IL2RA: variants seen among roughly 807,000 people sequenced by gnomAD.
The protein encoded by IL2RA is interleukin 2 receptor subunit alpha, also known as interleukin-2 receptor subunit alpha.
A neutral mutation model predicts 37.8 loss-of-function variants in IL2RA; 24 were observed. The observed-to-expected ratio is 0.63, with a 90% CI of 0.46 to 0.89. The LOEUF (loss-of-function observed/expected upper bound fraction) is 0.89, where lower values mean the gene tolerates loss of function less well. Ranked by LOEUF, IL2RA falls within the 40% of genes least tolerant of loss-of-function variation. IL2RA has a pLI of 0.00. For missense variants in IL2RA, 319 were observed against 348.6 expected, an observed-to-expected ratio of 0.92 and a Z score of 0.68; for synonymous variants, 125 against 114.6, an observed-to-expected ratio of 1.09 and a Z score of -0.58.
At chr10:6,059,450 G>C (rs1386355051) in intron 1 of IL2RA, among the ~76,000 whole-genome samples, 1 of 152,204 alleles carries the variant, frequency 6.6e-6, no homozygotes, top group Admixed American at 6.5e-5. Context: ...CTGGCACATA[G>C]AAGTTACTTT....
At chr10:6,039,914 T>A (rs1839745454) in intron 1 of IL2RA, among the ~76,000 whole-genome samples, 1 of 152,210 alleles carries the variant, frequency 6.6e-6, no homozygotes, top group Non-Finnish European at 1.5e-5. Context: ...GAATGAAGGC[T>A]GCTCTTAACT....
chr10:6,049,640 A>G (rs996933488), intron 1 of IL2RA, among the ~76,000 whole-genome samples: 1 of 152,098 alleles, frequency 6.6e-6, no homozygotes, highest in Non-Finnish European at 1.5e-5. Context: ...GCTTTGTGGC[A>G]TTTCTCTGCA....
In IL2RA at chr10:6,044,719, C is replaced by T. The variant is rs1839824240; in HGVS notation, c.64+17369G>A. On this transcript the variant is annotated intron_variant, in intron 1 of 7. Coordinates refer to ENST00000379959, the MANE Select transcript of IL2RA (RefSeq NM_000417.3). The surrounding 1 kb of genome is among the most constrained non-coding windows in gnomAD (Gnocchi z 4.5). ...TACAGAGATATAAAATTTATGTATG[C>T]ATGTGACCAGAGGAAAAAATAAGAC... Among the ~76,000 whole-genome samples, 1 of 152,122 alleles carries T rather than the reference C, an allele frequency of 6.6e-6. No homozygotes were observed. Among genetic ancestry groups the T allele is most frequent in the Non-Finnish European group, 1.5e-5 (1 of 68,024 alleles).
intron 3 of IL2RA, among the ~76,000 whole-genome samples, chr10:6,023,423 C>A (rs1839421420): frequency 6.6e-6 from 1 of 152,156 alleles, no homozygotes; most frequent in South Asian, 2.1e-4. Context: ...GCAACCTCCA[C>A]CTCCTGATTT....
chr10:6,019,813 T>C (rs1839351936), intron 5 of IL2RA, 57 bp downstream of exon 5: 6 of 1,507,852 alleles, frequency 4.0e-6, no homozygotes, highest in Non-Finnish European at 4.6e-6. Flanking sequence ...TGGCTCCTGG[T>C]CACCTCTGCC....
rs1207677765 is a variant in IL2RA, at chr10:6,057,352, G to A, written c.64+4736C>T. On this transcript the variant is annotated intron_variant, in intron 1 of 7. Transcript: ENST00000379959. The surrounding 1 kb of genome is among the most constrained non-coding windows in gnomAD (Gnocchi z 4.8). ...TAACCCACAATGAGACATCAGGCTT[G>A]GGTGCATTGATACACAAAAGTCGCT... Among the ~76,000 whole-genome samples the A allele has an allele frequency of 6.6e-6, 1 of 152,130 alleles. No individual in the cohort carries two copies.
Position 6,020,254 on chromosome 10 carries a change from A to G in IL2RA, c.584-313T>C, listed in dbSNP as rs1299790448. ...TCCATCTGTGACTTGGAAACAGGTC[A>G]TAATAATACGAATGCCATTGAACCA... On this transcript the variant is annotated intron_variant, in intron 4 of 7. Transcript: ENST00000379959. The surrounding 1 kb of genome is among the most constrained non-coding windows in gnomAD (Gnocchi z 5.6). 6.6e-6 allele frequency among the ~76,000 whole-genome samples: 1 copy of G among 152,168 alleles called. No individual in the cohort carries two copies. Among genetic ancestry groups the G allele is most frequent in the Non-Finnish European group, 1.5e-5 (1 of 68,022 alleles).
In IL2RA at chr10:6,030,105, G is replaced by A; in HGVS notation, c.65-4080C>T. ...ATCAATAGAAATTATCCAAACTGAT[G>A]AACACAAGAAATCTGAAAAAGAATG... On this transcript the variant is annotated intron_variant, in intron 1 of 7. Transcript: ENST00000379959. 1.3e-5 allele frequency among the ~76,000 whole-genome samples: 2 copies of A among 152,144 alleles called. 1 individual carries two copies.
rs1194896079 is a variant in IL2RA, at chr10:6,025,124, C to G, written c.256+710G>C. On this transcript the variant is annotated intron_variant, in intron 2 of 7. Transcript: ENST00000379959. The surrounding 1 kb of genome is among the most constrained non-coding windows in gnomAD (Gnocchi z 4.4). ...GTGGTGTGCGCCTATAAGGCCCAGG[C>G]AGGAGAATCACTTGAGGCCAGGAGT... Among the ~76,000 whole-genome samples, 1 of 151,802 alleles carries G rather than the reference C, an allele frequency of 6.6e-6. No homozygotes were observed. The highest frequency in any genetic ancestry group is 6.6e-5 in the Admixed American group (1 of 15,256).
In IL2RA at chr10:6,012,750, G is replaced by T. The variant is rs1456561434; in HGVS notation, c.*122C>A. 9.8e-7 allele frequency: 1 copy of T among 1,020,400 alleles called. No individual in the cohort carries two copies. The highest frequency in any genetic ancestry group is 1.6e-5 in the African/African-American group (1 of 63,488). The allele number at this position is 1,020,400 out of a possible 1,614,324, so 63.2% of individuals were successfully genotyped here. A position where few individuals can be genotyped will look rare whatever the true frequency, so the allele number is the denominator to read the frequency against. ...GATGTGACTTCAGAGCTTCCAAAAC[G>T]CAGGCAAGCACAACGGATGTCTCCT... On this transcript the variant is annotated 3_prime_UTR_variant, in exon 8 of 8. Transcript: ENST00000379959. This position sits in a 1 kb window ranked among gnomAD's most constrained non-coding sequence, Gnocchi z 4.8.
At position 6,025,473 on chromosome 10, in the gene IL2RA, T is replaced by C. The variant is rs12722571; in HGVS notation, c.256+361A>G. Among the ~76,000 whole-genome samples, 4,285 of 151,768 alleles carry C rather than the reference T, an allele frequency of 0.028. 96 individuals are homozygous for C. The highest frequency in any genetic ancestry group is 0.078 in the Middle Eastern group (23 of 294). ...GAGTTTGAGACCAGCCTGGCCAACA[T>C]GGTGAAACCCCATCTCTACTAAAAA... On this transcript the variant is annotated intron_variant, in intron 2 of 7. Coordinates refer to ENST00000379959, the MANE Select transcript of IL2RA (RefSeq NM_000417.3). This position sits in a 1 kb window ranked among gnomAD's most constrained non-coding sequence, Gnocchi z 4.4.
chr10:6,019,629 G>A (rs1188622561), intron 5 of IL2RA, 130 bp from the exon 6 acceptor site: 5 of 804,042 alleles, frequency 6.2e-6, no homozygotes, highest in Non-Finnish European at 8.7e-6. Flanking sequence ...GTGGTGGTGA[G>A]GGAAGGTGTT....
intron 1 of IL2RA, among the ~76,000 whole-genome samples, chr10:6,034,883 GA>G (rs746176349): frequency 9.2e-5 from 14 of 152,200 alleles, no homozygotes; most frequent in Non-Finnish European, 1.6e-4. Flanking sequence ...ATTTTCCTTA[GA>G]AGAGGGGAAG....
rs1564540851 is a variant in IL2RA, at chr10:6,018,082, G to C, written c.765C>G (p.Leu255=). ...TCCGCTGCCAGGTGAGCCCACTCAG[G>C]AGGAGGACGCTGATCAGCAGGAAAA... is the stretch of plus-strand genomic sequence containing the variant. The part of the protein sequence containing the change: ...GCVFLLISVL[L]LSGLTWQRRQ... Residue 255 remains leucine (L), a synonymous_variant, in exon 7 of 8, where the codon CTC becomes CTG. Transcript: ENST00000379959. This position sits in a 1 kb window ranked among gnomAD's most constrained non-coding sequence, Gnocchi z 5.1. The C allele has an allele frequency of 6.2e-7, 1 of 1,614,044 alleles. No homozygotes were observed. The highest frequency in any genetic ancestry group is 8.5e-7 in the Non-Finnish European group (1 of 1,179,956).
intron 7 of IL2RA, among the ~76,000 whole-genome samples, chr10:6,016,529 C>CA (rs958465305): frequency 2.0e-5 from 3 of 151,426 alleles, no homozygotes; most frequent in Non-Finnish European, 2.9e-5. Context: ...TTGGGCTCAC[C>CA]CCAGACATTC....
At chr10:6,053,434 A>G (rs1422756382) in intron 1 of IL2RA, among the ~76,000 whole-genome samples, 2 of 152,246 alleles carry the variant, frequency 1.3e-5, no homozygotes, top group Non-Finnish European at 2.9e-5. Context: ...CTAGTGTTCA[A>G]ATGTTTTCTG....
In IL2RA at chr10:6,018,806, C is replaced by T. The variant is rs1357499202; in HGVS notation, c.727+622G>A. On this transcript the variant is annotated intron_variant, in intron 6 of 7. Coordinates refer to ENST00000379959, the MANE Select transcript of IL2RA (RefSeq NM_000417.3). This position sits in a 1 kb window ranked among gnomAD's most constrained non-coding sequence, Gnocchi z 5.1. The stretch of plus-strand genomic sequence containing the variant: ...ATTAGTCTTTCACTCACACATTCTG[C>T]AGTGTAAGGAAGGGGTCCTTTCAGT... Among the ~76,000 whole-genome samples, 2 of 152,130 alleles carry T rather than the reference C, an allele frequency of 1.3e-5. No homozygotes were observed. Among genetic ancestry groups the T allele is most frequent in the Non-Finnish European group, 2.9e-5 (2 of 68,004 alleles).
chr10:6,045,837 G>A (rs1419768980), intron 1 of IL2RA, among the ~76,000 whole-genome samples: 1 of 152,086 alleles, frequency 6.6e-6, no homozygotes, highest in Non-Finnish European at 1.5e-5. Flanking sequence ...CACAGAATAA[G>A]TAAGTATAAC....
Position 6,025,518 on chromosome 10 carries a change from T to A in IL2RA, c.256+316A>T, listed in dbSNP as rs1839467973. Among the ~76,000 whole-genome samples, 1 of 152,026 alleles carries A rather than the reference T, an allele frequency of 6.6e-6. No individual in the cohort carries two copies. Among genetic ancestry groups the A allele is most frequent in the Non-Finnish European group, 1.5e-5 (1 of 67,994 alleles). ...TAAAAATGCAAAAATTAGCCAGGCATGGTGGAGGGTGCCTGTAATCCCAGC... is the reference window on the plus strand; with the variant it reads ...TAAAAATGCAAAAATTAGCCAGGCAAGGTGGAGGGTGCCTGTAATCCCAGC... On this transcript the variant is annotated intron_variant, in intron 2 of 7. Transcript: ENST00000379959. The surrounding 1 kb of genome is among the most constrained non-coding windows in gnomAD (Gnocchi z 4.4).
Sources: gnomAD v4.1 joint callset for allele counts (sites outside exome capture counted in the v4.1 genomes callset) on GRCh38, gnomAD v4.1.1 for gene constraint, Gnocchi (gnomAD v3.1) non-coding constraint, MANE v1.5 for transcripts, NCBI Gene and HGNC (gene_info 2026-07-23, HGNC 2026-07-21) for gene names.